Variants in PDE4D observed in about 807,000 individuals in gnomAD.
PDE4D encodes the protein phosphodiesterase 4D.
Under a neutral mutation model 87.4 loss-of-function variants are expected in PDE4D, and 24 were observed. The ratio of observed to expected loss-of-function variants is 0.27; its 90% CI spans 0.20 to 0.39. PDE4D has a LOEUF of 0.39. Among genes scored for constraint, PDE4D ranks in the 10% least tolerant of loss-of-function variants. The pLI is 1.00. For synonymous variants in PDE4D, 384 were observed against 383.2 expected, an observed-to-expected ratio of 1.00 and a Z score of -0.02; for missense variants, 714 against 1,041.0, an observed-to-expected ratio of 0.69 and a Z score of 4.32.
intron 1 of PDE4D, among the ~76,000 whole-genome samples, chr5:59,528,009 C>A (rs1385834867): frequency 1.3e-5 from 2 of 152,156 alleles, no homozygotes; most frequent in Non-Finnish European, 2.9e-5. Context: ...AGCCATCAAC[C>A]ACCATCCAGT....
intron 3 of PDE4D, among the ~76,000 whole-genome samples, chr5:59,905,264 T>C (rs1752692504): frequency 6.6e-6 from 1 of 152,162 alleles, no homozygotes; most frequent in African/African-American, 2.4e-5. Flanking sequence ...CAGTGAATTG[T>C]TCAGAATGCT....
chr5:59,625,916 T>TA (rs1830845655), intron 1 of PDE4D, among the ~76,000 whole-genome samples: 2 of 151,910 alleles, frequency 1.3e-5, no homozygotes, highest in Non-Finnish European at 2.9e-5. Context: ...CCGTCTCTAC[T>TA]AAAAAAACAA....
chr5:58,994,920 C>A (rs1221998875), intron 6 of PDE4D, among the ~76,000 whole-genome samples: 4 of 120,210 alleles, frequency 3.3e-5, no homozygotes, highest in Non-Finnish European at 6.7e-5. Flanking sequence ...CCCCTCCCCC[C>A]ACCCCACAAC....
At chr5:58,976,569 A>C in intron 12 of PDE4D, 97 bp from the exon 13 acceptor site, 2 of 947,634 alleles carry the variant, frequency 2.1e-6, no homozygotes, top group Non-Finnish European at 3.2e-6. Flanking sequence ...ATAAAACAAC[A>C]CTATGCCTTT....
chr5:59,652,825 C>T (rs1743729977), intron 1 of PDE4D, among the ~76,000 whole-genome samples: 1 of 151,524 alleles, frequency 6.6e-6, no homozygotes, highest in African/African-American at 2.4e-5. Flanking sequence ...TTAATTCCAT[C>T]AAGGAAACTG....
intron 1 of PDE4D, among the ~76,000 whole-genome samples, chr5:60,186,659 T>C (rs149062157): frequency 4.6e-5 from 7 of 152,212 alleles, no homozygotes; most frequent in Admixed American, 6.5e-5. Context: ...AACAGCAGCA[T>C]GTAGTTCTAT....
chr5:59,659,176 C>A (rs1468977918), intron 1 of PDE4D, among the ~76,000 whole-genome samples: 1 of 152,130 alleles, frequency 6.6e-6, no homozygotes, highest in African/African-American at 2.4e-5. Flanking sequence ...GCAACAAATG[C>A]CTAATGGGAG....
At chr5:59,181,082 G>C (rs1371826397) in intron 4 of PDE4D, among the ~76,000 whole-genome samples, 2 of 152,088 alleles carry the variant, frequency 1.3e-5, no homozygotes, top group Non-Finnish European at 2.9e-5. Context: ...TGAATGATTT[G>C]TTGTAAACTA....
At chr5:60,119,811 C>A (rs991049123) in intron 2 of PDE4D, among the ~76,000 whole-genome samples, 1 of 151,994 alleles carries the variant, frequency 6.6e-6, no homozygotes, top group East Asian at 1.9e-4. Flanking sequence ...ATTTAAAATA[C>A]TAGGGGTACA....
chr5:59,681,890 G>A, intron 1 of PDE4D, among the ~76,000 whole-genome samples: 1 of 111,610 alleles, frequency 9.0e-6, no homozygotes, highest in Non-Finnish European at 1.7e-5. Flanking sequence ...GACAGAGCGA[G>A]ACTCTGTCTC....
At chr5:59,013,975 T>C (rs546919176) in intron 6 of PDE4D, among the ~76,000 whole-genome samples, 8 of 152,246 alleles carry the variant, frequency 5.3e-5, no homozygotes, top group Non-Finnish European at 1.2e-4. Context: ...ATCCCTGGGA[T>C]GCAAGGCTGC....
chr5:60,016,355 G>T (rs937773946), intron 2 of PDE4D, among the ~76,000 whole-genome samples: 1 of 152,134 alleles, frequency 6.6e-6, no homozygotes, highest in Non-Finnish European at 1.5e-5. Context: ...CTGACAGAGG[G>T]TCTTGCCTAA....
chr5:60,438,214 T>C (rs1744912358), intron 1 of PDE4D, among the ~76,000 whole-genome samples: 1 of 152,010 alleles, frequency 6.6e-6, no homozygotes, highest in Admixed American at 6.6e-5. Flanking sequence ...ATTAGGGAAT[T>C]TACACTTGCA....
intron 1 of PDE4D, among the ~76,000 whole-genome samples, chr5:59,756,810 C>CTTTTTTT (rs5868192): frequency 7.6e-6 from 1 of 132,268 alleles, no homozygotes; most frequent in African/African-American, 2.8e-5. Context: ...GAGGTTCTTA[C>CTTTTTTT]TTTTTTTTTT....
chr5:60,477,091 T>C (rs907182614), intron 1 of PDE4D, among the ~76,000 whole-genome samples: 22 of 152,068 alleles, frequency 1.4e-4, no homozygotes, highest in African/African-American at 5.3e-4. Flanking sequence ...CTCTATGACA[T>C]GTAGAATAGG....
chr5:60,476,852 G>A lies in PDE4D; in HGVS notation c.-90+11090C>T, dbSNP rs139724056. Among the ~76,000 whole-genome samples the A allele has an allele frequency of 1.6e-4, 24 of 152,030 alleles. No homozygotes were observed. The East Asian group carries it at 3.7e-3, about 23-fold the overall frequency. The stretch of plus-strand genomic sequence containing the variant: ...TTATTTTCTCAATAACCCTTATCAC[G>A]GCCAAGCATTAAATTATGTATTCAC... On this transcript the variant is annotated intron_variant, in intron 1 of 16. Coordinates refer to the PDE4D transcript ENST00000502484.
chr5:60,185,423 G>C (rs1189781163), intron 2 of PDE4D: 1 of 567,388 alleles, frequency 1.8e-6, no homozygotes, highest in Admixed American at 2.7e-5. Flanking sequence ...GCTGTGTACA[G>C]TCAGAGAACT....
chr5:58,999,674 T>G, intron 6 of PDE4D: 1 of 1,109,320 alleles, frequency 9.0e-7, no homozygotes. Flanking sequence ...TTTTGGTAAT[T>G]AAGTATACAT....
At chr5:60,275,282 G>A (rs1016096412) in intron 1 of PDE4D, among the ~76,000 whole-genome samples, 1 of 152,076 alleles carries the variant, frequency 6.6e-6, no homozygotes, top group Non-Finnish European at 1.5e-5. Context: ...CATAAGTAAG[G>A]AAATGACTAT....
Sources: gnomAD v4.1 joint callset for allele counts (sites outside exome capture counted in the v4.1 genomes callset) on GRCh38, gnomAD v4.1.1 for gene constraint, MANE v1.5 for transcripts, NCBI Gene and HGNC (gene_info 2026-07-23, HGNC 2026-07-21) for gene names.